The following CIMAP1A variants were observed in gnomAD, a reference collection of about 807,000 sequenced individuals.
CIMAP1A encodes the protein ciliary microtubule associated protein 1A.
chr11:197,377 A>T, the CIMAP1A span: 2 of 1,599,796 alleles, frequency 1.3e-6, no homozygotes, highest in Non-Finnish European at 1.7e-6. Context: ...CCTCTACAGC[A>T]GCCCTGGACC....
the CIMAP1A span, chr11:198,885 AGAG>A: frequency 9.0e-5 from 114 of 1,271,072 alleles, 1 homozygote; most frequent in Non-Finnish European, 1.0e-4. Flanking sequence ...CATGGAAAGA[AGAG>A]GAGGAGGAAA....
the CIMAP1A span, chr11:197,097 T>TGA: frequency 1.9e-5 from 9 of 476,742 alleles, no homozygotes; most frequent in South Asian, 2.8e-4. Context: ...GTTAAGCTGG[T>TGA]GAGGAGCTCA....
the CIMAP1A span, chr11:199,334 A>C: frequency 1.9e-6 from 3 of 1,554,274 alleles, no homozygotes; most frequent in East Asian, 4.8e-5. Flanking sequence ...CGCCCTGGGT[A>C]GGCCGAGTTG....
the CIMAP1A span, chr11:197,922 G>A: frequency 6.7e-7 from 1 of 1,499,654 alleles, no homozygotes; most frequent in Non-Finnish European, 8.9e-7. Context: ...TCGTGCCTGG[G>A]CAGAGAAGAC....
chr11:199,823 C>G, the CIMAP1A span: 1 of 1,480,502 alleles, frequency 6.8e-7, no homozygotes, highest in African/African-American at 1.4e-5. Context: ...AACCTGGGAG[C>G]ATAGCTTCTG....
chr11:200,044 G>C, the CIMAP1A span: 1 of 1,612,718 alleles, frequency 6.2e-7, no homozygotes, highest in South Asian at 1.1e-5. Flanking sequence ...CGCCAGCCCT[G>C]CTGTGCCCCA....
At chr11:197,932 C>A in the CIMAP1A span, 1 of 1,504,238 alleles carries the variant, frequency 6.6e-7, no homozygotes, top group Non-Finnish European at 8.9e-7. Flanking sequence ...GCAGAGAAGA[C>A]TCTGGCCCAA....
the CIMAP1A span, chr11:198,630 C>A: frequency 2.9e-5 from 46 of 1,562,708 alleles, no homozygotes; most frequent in Non-Finnish European, 4.0e-5. Flanking sequence ...CCCCAACCAT[C>A]TGAACCCTCC....
the CIMAP1A span, chr11:197,943 G>C: frequency 6.6e-7 from 1 of 1,509,296 alleles, no homozygotes; most frequent in African/African-American, 1.4e-5. Flanking sequence ...TCTGGCCCAA[G>C]AGTCCAGCTC....
chr11:199,671 G>GGGGGGGGGGGGGGGGGGGGC, the CIMAP1A span: 1 of 760,590 alleles, frequency 1.3e-6, no homozygotes, highest in Non-Finnish European at 1.8e-6. Flanking sequence ...GTGGGGTGGG[G>GGGGGGGGGGGGGGGGGGGGC]ATGGGAGGCA....
chr11:197,494 C>A, the CIMAP1A span: 2 of 1,593,140 alleles, frequency 1.3e-6, no homozygotes, highest in South Asian at 1.1e-5. Flanking sequence ...GGGGCTCAAT[C>A]CCTGACTCCC....
chr11:199,278 C>T, the CIMAP1A span: 1 of 1,518,084 alleles, frequency 6.6e-7, no homozygotes, highest in Non-Finnish European at 8.9e-7. Context: ...GTAGCTGACC[C>T]TGTTGACTCA....
chr11:197,444 C>G, the CIMAP1A span: 2 of 1,594,040 alleles, frequency 1.3e-6, no homozygotes, highest in Non-Finnish European at 1.7e-6. Context: ...GGGAGAGGGT[C>G]AGGAGCCAGG....
chr11:200,058 C>T, the CIMAP1A span: 2 of 1,610,710 alleles, frequency 1.2e-6, no homozygotes, highest in Non-Finnish European at 1.7e-6. Context: ...TGCCCCATCA[C>T]ACCCGGCATC....
the CIMAP1A span, chr11:197,459 C>T: frequency 6.3e-7 from 1 of 1,590,006 alleles, no homozygotes; most frequent in Non-Finnish European, 8.6e-7. Flanking sequence ...GCCAGGCGGG[C>T]AGGTGGGGGT....
chr11:199,133 CTG>C, the CIMAP1A span: 6 of 1,393,938 alleles, frequency 4.3e-6, no homozygotes, highest in Admixed American at 1.2e-4. Flanking sequence ...CTGGCACACA[CTG>C]GGGATGCCAT....
chr11:200,118 G>T, the CIMAP1A span: 2 of 1,453,102 alleles, frequency 1.4e-6, no homozygotes, highest in Non-Finnish European at 1.9e-6. Flanking sequence ...TCACCAGCTG[G>T]GCTGGGCCAG....
At chr11:197,421 C>T in the CIMAP1A span, 1 of 1,599,010 alleles carries the variant, frequency 6.3e-7, no homozygotes, top group Non-Finnish European at 8.5e-7. Context: ...CAGGTAAGAG[C>T]CTGAGAGACT....
At chr11:197,263 C>T in the CIMAP1A span, 1 of 1,452,094 alleles carries the variant, frequency 6.9e-7, no homozygotes. Context: ...GGCCGGGCCT[C>T]CCAGCACCTG....
Sources: allele counts gnomAD v4.1 joint callset, GRCh38; gene constraint gnomAD v4.1.1; transcripts MANE v1.5; gene names NCBI Gene and HGNC (gene_info 2026-07-23, HGNC 2026-07-21).